CFAP299: variants seen among roughly 807,000 people sequenced by gnomAD.
The protein encoded by CFAP299 is cilia- and flagella-associated protein 299.
In CFAP299, 21 loss-of-function variants were observed where a neutral mutation model predicts 27.0. The ratio of observed to expected loss-of-function variants is 0.78; its 90% confidence interval spans 0.55 to 1.12. The LOEUF (loss-of-function observed/expected upper bound fraction) is 1.12, where lower values mean the gene tolerates loss of function less well. Among genes scored for constraint, CFAP299 ranks in the 50% most tolerant of loss-of-function variants. CFAP299 has a pLI of 0.00. For synonymous variants in CFAP299, 104 were observed against 98.1 expected, an observed-to-expected ratio of 1.06 and a Z score of -0.36; for missense variants, 310 against 276.6, an observed-to-expected ratio of 1.12 and a Z score of -0.86.
At chr4:80,893,886 T>A (rs913900406) in intron 4 of CFAP299, among the ~76,000 whole-genome samples, 1 of 151,954 alleles carries the variant, frequency 6.6e-6, no homozygotes, top group Non-Finnish European at 1.5e-5. Flanking sequence ...AACAAAAGCT[T>A]CTGCATAGCA....
intron 2 of CFAP299, chr4:80,420,228 GT>G: frequency 2.2e-6 from 1 of 456,068 alleles, no homozygotes; most frequent in Non-Finnish European, 4.4e-6. Context: ...CAGACTCTCA[GT>G]TAATCTTTCC....
the CFAP299 span, among the ~76,000 whole-genome samples, chr4:80,321,315 TATTA>T: frequency 3.3e-5 from 5 of 152,342 alleles, no homozygotes; most frequent in African/African-American, 4.8e-5. Flanking sequence ...ATGATCCATT[TATTA>T]ATTCATTTTT....
At chr4:80,522,400 C>T (rs1324232783) in intron 2 of CFAP299, among the ~76,000 whole-genome samples, 1 of 151,986 alleles carries the variant, frequency 6.6e-6, no homozygotes, top group Non-Finnish European at 1.5e-5. Flanking sequence ...ATTTTGGATA[C>T]AAACCCTTAT....
At chr4:80,608,269 G>T in intron 3 of CFAP299, 5 of 1,068,120 alleles carry the variant, frequency 4.7e-6, no homozygotes, top group Non-Finnish European at 6.8e-6. Context: ...CTATACTTTA[G>T]ATAGGAGATT....
chr4:80,357,311 A>G (rs1723325925), intron 1 of CFAP299, among the ~76,000 whole-genome samples: 1 of 152,066 alleles, frequency 6.6e-6, no homozygotes, highest in Admixed American at 6.5e-5. Flanking sequence ...TTAATGTGGT[A>G]TCTCTGCCAG....
chr4:80,438,238 C>T (rs897043043), intron 2 of CFAP299, among the ~76,000 whole-genome samples: 7 of 152,018 alleles, frequency 4.6e-5, no homozygotes, highest in African/African-American at 9.7e-5. Flanking sequence ...TGAATAAAAA[C>T]GTGAAGGAAG....
intron 2 of CFAP299, among the ~76,000 whole-genome samples, chr4:80,488,215 C>G (rs941315707): frequency 6.6e-6 from 1 of 152,086 alleles, no homozygotes; most frequent in African/African-American, 2.4e-5. Flanking sequence ...AACACTACAG[C>G]CCCCCACTGC....
At chr4:80,337,193 A>C (rs934892075) in intron 1 of CFAP299, among the ~76,000 whole-genome samples, 1 of 152,226 alleles carries the variant, frequency 6.6e-6, no homozygotes, top group African/African-American at 2.4e-5. Context: ...GTTTAAATAA[A>C]CAAAAAATGA....
chr4:80,788,915 G>A (rs1031768205), intron 3 of CFAP299, among the ~76,000 whole-genome samples: 2 of 152,044 alleles, frequency 1.3e-5, no homozygotes, highest in African/African-American at 4.8e-5. Flanking sequence ...TCATTGGAAT[G>A]AGTAAGCCTT....
chr4:80,609,495 T>C lies in CFAP299; in HGVS notation c.333+26312T>C, dbSNP rs1367504929. Among the ~76,000 whole-genome samples the C allele has an allele frequency of 2.6e-5, 4 of 152,084 alleles. No homozygotes were observed. In the East Asian group the frequency reaches 7.7e-4, roughly 29 times the overall value. ...TATTAAAGTGTAAAGGTTATTTAGA[T>C]ATGTCTCTTTATGTTGGATTTTTAT... On this transcript the variant is annotated intron_variant, in intron 3 of 5. Coordinates refer to ENST00000358105, the MANE Select transcript of CFAP299 (RefSeq NM_152770.3).
intron 2 of CFAP299, chr4:80,387,304 C>A: frequency 6.2e-7 from 1 of 1,611,090 alleles, no homozygotes; most frequent in Non-Finnish European, 8.5e-7. Flanking sequence ...ATGTGTCGAG[C>A]TTTGGGAACG....
intron 3 of CFAP299, among the ~76,000 whole-genome samples, chr4:80,809,433 T>C (rs1729028738): frequency 6.6e-6 from 1 of 152,128 alleles, no homozygotes. Context: ...ATACTTTTTC[T>C]TAATGGCTTA....
intron 3 of CFAP299, among the ~76,000 whole-genome samples, chr4:80,590,669 C>T (rs1006221141): frequency 4.6e-5 from 7 of 151,956 alleles, no homozygotes; most frequent in African/African-American, 1.7e-4. Context: ...CACACGGCAT[C>T]CTTAATAACT....
At chr4:80,613,851 A>G (rs1322117604) in intron 3 of CFAP299, among the ~76,000 whole-genome samples, 1 of 152,172 alleles carries the variant, frequency 6.6e-6, no homozygotes, top group African/African-American at 2.4e-5. Context: ...GCTTGACCAA[A>G]ACACTGTTAG....
intron 3 of CFAP299, among the ~76,000 whole-genome samples, chr4:80,585,591 T>C (rs1434830627): frequency 6.6e-6 from 1 of 152,172 alleles, no homozygotes; most frequent in Non-Finnish European, 1.5e-5. Flanking sequence ...CTAAGGGCTA[T>C]GTTGCTGTGC....
intron 4 of CFAP299, among the ~76,000 whole-genome samples, chr4:80,902,756 G>C (rs1028994191): frequency 6.6e-6 from 1 of 151,228 alleles, no homozygotes; most frequent in Admixed American, 6.6e-5. Flanking sequence ...GACTTCTTCA[G>C]GCAACTTTTA....
chr4:80,893,669 A>C (rs1206972115), intron 4 of CFAP299, among the ~76,000 whole-genome samples: 1 of 151,854 alleles, frequency 6.6e-6, no homozygotes, highest in East Asian at 1.9e-4. Flanking sequence ...ACATGCAAAA[A>C]AAAAAAGAAA....
intron 2 of CFAP299, among the ~76,000 whole-genome samples, chr4:80,550,354 C>T (rs181135798): frequency 9.9e-5 from 15 of 151,934 alleles, no homozygotes; most frequent in South Asian, 2.1e-4. Flanking sequence ...CGTTTTATTG[C>T]GATTGCATCA....
chr4:80,594,618 T>A (rs1344811128), intron 3 of CFAP299, among the ~76,000 whole-genome samples: 1 of 152,232 alleles, frequency 6.6e-6, no homozygotes, highest in East Asian at 1.9e-4. Flanking sequence ...TTTATTTTTT[T>A]AATCTTTGTA....
Sources: allele counts gnomAD v4.1 joint callset (sites outside exome capture counted in the v4.1 genomes callset), GRCh38; gene constraint gnomAD v4.1.1; transcripts MANE v1.5; gene names NCBI Gene and HGNC (gene_info 2026-07-23, HGNC 2026-07-21).